The following PCDH11X variants were observed in gnomAD, a reference collection of about 807,000 sequenced individuals.
PCDH11X encodes protocadherin-11 X-linked.
In PCDH11X, 18 loss-of-function variants were observed where a neutral mutation model predicts 53.3. That is an observed-to-expected ratio of 0.34 (90% CI 0.23 to 0.50). The LOEUF is 0.50. Ranked by LOEUF, PCDH11X falls within the 20% of genes least tolerant of loss-of-function variation. The pLI, the probability that PCDH11X is intolerant of heterozygous loss-of-function variation, is 0.98. For synonymous variants in PCDH11X, 279 were observed against 393.3 expected (o/e 0.71, Z 3.44); for missense variants, 570 against 1,032.4 (o/e 0.55, Z 6.14).
intron 6 of PCDH11X, among the ~76,000 whole-genome samples, chrX:92,065,398 T>C (rs747331330): frequency 1.8e-5 from 2 of 111,497 alleles, no homozygotes; most frequent in South Asian, 7.6e-4. Context: ...GATTGCTGGA[T>C]TGTATGGTAA....
intron 10 of PCDH11X, among the ~76,000 whole-genome samples, chrX:92,613,545 TTGTGTGTGTG>T (rs201132708): frequency 1.0e-3 from 67 of 65,521 alleles, no homozygotes; most frequent in African/African-American, 2.9e-3. Context: ...GTTGTTGTTG[TTGTGTGTGTG>T]TGTGTGTGTG....
intron 6 of PCDH11X, among the ~76,000 whole-genome samples, chrX:91,910,579 GT>G (rs972544749): frequency 1.6e-4 from 18 of 110,555 alleles, no homozygotes; most frequent in Non-Finnish European, 3.4e-4. Context: ...TGATTGGTTT[GT>G]TTTTAGGCCA....
At chrX:92,340,923 G>A (rs1451657207) in intron 8 of PCDH11X, among the ~76,000 whole-genome samples, 5 of 111,592 alleles carry the variant, frequency 4.5e-5, no homozygotes, top group Non-Finnish European at 5.6e-5. Flanking sequence ...AACATTTTAT[G>A]CTCCGCCTCC....
chrX:92,252,664 GA>G (rs1388181276), intron 7 of PCDH11X, among the ~76,000 whole-genome samples: 1 of 110,549 alleles, frequency 9.0e-6, no homozygotes, highest in Non-Finnish European at 1.9e-5. Flanking sequence ...ATTTAGGAAT[GA>G]TTTTTTTTTT....
intron 6 of PCDH11X, among the ~76,000 whole-genome samples, chrX:92,175,819 C>T (rs1183895529): frequency 1.0e-5 from 1 of 98,714 alleles, no homozygotes; most frequent in Non-Finnish European, 2.0e-5. Flanking sequence ...GAGAGAGAGA[C>T]AAAAATATAC....
chrX:92,396,064 A>G (rs1383449785), intron 9 of PCDH11X, among the ~76,000 whole-genome samples: 1 of 105,094 alleles, frequency 9.5e-6, no homozygotes, highest in Non-Finnish European at 1.9e-5. Flanking sequence ...TGCAGAAAAA[A>G]CTGTAAACAT....
chrX:92,564,718 C>A (rs1363170530), intron 10 of PCDH11X, among the ~76,000 whole-genome samples: 4 of 111,515 alleles, frequency 3.6e-5, no homozygotes, highest in Non-Finnish European at 7.6e-5. Flanking sequence ...GCAGAAATTT[C>A]TTAAGTAATA....
intron 6 of PCDH11X, among the ~76,000 whole-genome samples, chrX:91,988,891 G>GCGTCCAAGGCTACCCATTCTTGGT (rs2062269879): frequency 9.0e-6 from 1 of 111,471 alleles, no homozygotes; most frequent in Non-Finnish European, 1.9e-5. Context: ...CCATTCTTGG[G>GCGTCCAAGGCTACCCATTCTTGGT]CTTCCAAGAA....
At chrX:92,085,481 CAA>C (rs60792159) in intron 6 of PCDH11X, among the ~76,000 whole-genome samples, 20 of 68,539 alleles carry the variant, frequency 2.9e-4, no homozygotes, top group East Asian at 4.1e-4. Context: ...AATTTGGTTG[CAA>C]AAAAAAAAAA....
chrX:92,532,570 G>A (rs2074577097), intron 10 of PCDH11X, among the ~76,000 whole-genome samples: 1 of 109,323 alleles, frequency 9.1e-6, no homozygotes, highest in South Asian at 4.0e-4. Flanking sequence ...ACCTTTGGAA[G>A]CAGTGAGATT....
chrX:92,495,723 TCA>T (rs2073849340), intron 10 of PCDH11X, among the ~76,000 whole-genome samples: 1 of 107,342 alleles, frequency 9.3e-6, no homozygotes, highest in East Asian at 2.9e-4. Flanking sequence ...GGCCTCAGAA[TCA>T]TGGTGGAAGG....
intron 8 of PCDH11X, among the ~76,000 whole-genome samples, chrX:92,331,448 A>C (rs1485119756): frequency 9.9e-6 from 1 of 101,108 alleles, no homozygotes; most frequent in Non-Finnish European, 2.0e-5. Context: ...GAATGTCCTG[A>C]CTCTTGTGGT....
At chrX:92,462,202 A>C (rs1181145157) in intron 9 of PCDH11X, among the ~76,000 whole-genome samples, 1 of 112,059 alleles carries the variant, frequency 8.9e-6, no homozygotes, top group Non-Finnish European at 1.9e-5. Context: ...GTTTGTTGAC[A>C]AACCAGTCAA....
chrX:92,132,083 C>A (rs2064982425), intron 6 of PCDH11X, among the ~76,000 whole-genome samples: 1 of 95,811 alleles, frequency 1.0e-5, no homozygotes, highest in Non-Finnish European at 2.1e-5. Flanking sequence ...ACCAGCCTGG[C>A]CAACATGGTG....
At chrX:92,438,027 C>T (rs1241249957) in intron 9 of PCDH11X, among the ~76,000 whole-genome samples, 1 of 111,587 alleles carries the variant, frequency 9.0e-6, no homozygotes, top group Non-Finnish European at 1.9e-5. Flanking sequence ...GTGCTTTGAA[C>T]TTAATCTGAT....
intron 8 of PCDH11X, among the ~76,000 whole-genome samples, chrX:92,321,262 G>T (rs1466867762): frequency 2.0e-5 from 2 of 101,945 alleles, no homozygotes; most frequent in African/African-American, 7.3e-5. Context: ...GCGCAATCTC[G>T]GCTCACTGCG....
intron 6 of PCDH11X, among the ~76,000 whole-genome samples, chrX:92,181,383 A>C (rs1310010378): frequency 3.6e-5 from 4 of 112,030 alleles, no homozygotes; most frequent in Non-Finnish European, 5.6e-5. Flanking sequence ...GGAGCATAAA[A>C]GTTCAGAAAA....
chrX:91,965,527 T>C (rs1205458894), intron 6 of PCDH11X, among the ~76,000 whole-genome samples: 4 of 107,893 alleles, frequency 3.7e-5, no homozygotes, highest in African/African-American at 1.4e-4. Flanking sequence ...GTGGAGTGTC[T>C]TCTAGACACA....
At chrX:92,465,177 G>A (rs2073134022) in intron 9 of PCDH11X, among the ~76,000 whole-genome samples, 1 of 111,375 alleles carries the variant, frequency 9.0e-6, no homozygotes, top group African/African-American at 3.3e-5. Context: ...CATAAGAATA[G>A]GATAAACATT....
Sources: allele counts gnomAD v4.1 joint callset (sites outside exome capture counted in the v4.1 genomes callset), GRCh38; gene constraint gnomAD v4.1.1; transcripts MANE v1.5; gene names NCBI Gene and HGNC (gene_info 2026-07-23, HGNC 2026-07-21).